The following ZSWIM8 variants were observed in gnomAD, a reference collection of about 807,000 sequenced individuals.
ZSWIM8 encodes the protein zinc finger SWIM-type containing 8, also known as zinc finger SWIM domain-containing protein 8.
ZSWIM8 carries 27 observed loss-of-function variants against 173.7 expected under a neutral mutation model. The observed-to-expected ratio is 0.16, with a 90% confidence interval of 0.11 to 0.21. ZSWIM8 has a LOEUF of 0.21. ZSWIM8 is among the 10% of genes least tolerant of loss of function. The pLI, the probability that ZSWIM8 is intolerant of heterozygous loss-of-function variation, is 1.00. For synonymous variants in ZSWIM8, 958 were observed against 962.0 expected, an observed-to-expected ratio of 1.00 and a Z score of 0.08; for missense variants, 1,627 against 2,428.8, an observed-to-expected ratio of 0.67 and a Z score of 6.94.
chr10:73,793,612 C>T lies in ZSWIM8; in HGVS notation c.2338C>T (p.Leu780=), dbSNP rs759026013. Reference sequence around the variant, plus strand: ...GGTACTGTTTGCCTGTGCTGAGGCCCTGCATGCGCATGGCTATAGCAGTGA... The same window carrying T: ...GGTACTGTTTGCCTGTGCTGAGGCCTTGCATGCGCATGGCTATAGCAGTGA... ...MEVLFACAEA[L]HAHGYSSEAS... Residue 780 remains leucine (L), a synonymous_variant, in exon 11 of 26, where the codon CTG becomes TTG. Coordinates refer to ENST00000604729, the MANE Select transcript of ZSWIM8 (RefSeq NM_001367799.1). 8.1e-6 allele frequency: 13 copies of T among 1,607,080 alleles called. No homozygotes were observed. The South Asian group carries it at 1.2e-4, about 15-fold the overall frequency.
In ZSWIM8 at chr10:73,791,246, G is replaced by C; in HGVS notation, c.1143+70G>C. ...CCTCCCCCTGCCTCATCCTCCTCTT[G>C]CTGAAATGGACTCTGGGAGGGCTAC... On this transcript the variant is annotated intron_variant, in intron 8 of 25. Coordinates refer to ENST00000604729, the MANE Select transcript of ZSWIM8 (RefSeq NM_001367799.1). This position sits in a 1 kb window ranked among gnomAD's most constrained non-coding sequence, Gnocchi z 6.0. 1 of 1,569,848 alleles carries C rather than the reference G, an allele frequency of 6.4e-7. No individual in the cohort carries two copies. Among genetic ancestry groups the C allele is most frequent in the South Asian group, 1.2e-5 (1 of 84,808 alleles).
Position 73,799,461 on chromosome 10 carries a change from T to C in ZSWIM8, c.4636T>C (p.Phe1546Leu). The C allele has an allele frequency of 6.2e-7, 1 of 1,600,290 alleles. No homozygotes were observed. Among genetic ancestry groups the C allele is most frequent in the Non-Finnish European group, 8.5e-7 (1 of 1,173,298 alleles). ...PMPHMPRPAVFPVPSSAYPQG... is the reference protein window; with the variant it reads ...PMPHMPRPAVLPVPSSAYPQG... ...GCCTCACATGCCCCGGCCTGCCGTCTTCCCTGTGCCCAGCTCTGCATACCC... is the reference window on the plus strand; with the variant it reads ...GCCTCACATGCCCCGGCCTGCCGTCCTCCCTGTGCCCAGCTCTGCATACCC... Residue 1546 changes from phenylalanine to leucine, a missense_variant, in exon 21 of 26, where the codon TTC becomes CTC. Phe to Leu is a conservative substitution (Grantham distance 22). This residue lies in a region of ZSWIM8 where 275 missense variants were observed against 290.1 expected (regional missense o/e 0.95). Transcript: ENST00000604729.
chr10:73,801,405 G>A lies in ZSWIM8; in HGVS notation c.5391G>A (p.Leu1797=). 1.2e-6 allele frequency: 2 copies of A among 1,613,986 alleles called. No individual in the cohort carries two copies. ...GGAGTGCCCGCAGCGCCTTCTGCCT[G>A]ACGCCCATGGGCATGATGCAGTTCA... ...AIRSARSAFC[L]TPMGMMQFND... The change falls in exon 26 of 26, where the codon CTG becomes CTA. Residue 1797 remains leucine, a synonymous_variant. Coordinates refer to ENST00000604729, the MANE Select transcript of ZSWIM8 (RefSeq NM_001367799.1). The surrounding 1 kb of genome is among the most constrained non-coding windows in gnomAD (Gnocchi z 4.9).
chr10:73,792,886 C>G lies in ZSWIM8; in HGVS notation c.2313+34C>G. On this transcript the variant is annotated intron_variant, in intron 10 of 25. Coordinates refer to ENST00000604729, the MANE Select transcript of ZSWIM8 (RefSeq NM_001367799.1). This position sits in a 1 kb window ranked among gnomAD's most constrained non-coding sequence, Gnocchi z 4.3. ...ATGGAAGGAGGGAGGGCTGGGTGCT[C>G]CTTAGCCACAACTGGGAGGGGCTAT... 6.6e-7 allele frequency: 1 copy of G among 1,514,564 alleles called. No individual in the cohort carries two copies. The highest frequency in any genetic ancestry group is 1.3e-5 in the South Asian group (1 of 77,846). 93.8% of individuals were successfully genotyped at this position (1,514,564 alleles called of 1,614,324 possible).
rs1045099303 is a variant in ZSWIM8, at chr10:73,785,819, G to T, written c.-60G>T. 2 of 1,459,956 alleles carry T rather than the reference G, an allele frequency of 1.4e-6. No homozygotes were observed. Among genetic ancestry groups the T allele is most frequent in the African/African-American group, 1.5e-5 (1 of 67,332 alleles). 90.4% of individuals were successfully genotyped at this position (1,459,956 alleles called of 1,614,324 possible). On this transcript the variant is annotated 5_prime_UTR_variant, in exon 1 of 26. Coordinates refer to ENST00000604729, the MANE Select transcript of ZSWIM8 (RefSeq NM_001367799.1). Reference sequence around the variant, plus strand: ...GCCCCGGGCCTCCCCTCAACCCCCGGCCGGCGGCCCAGGCCCCGGATCCGC... The same window carrying T: ...GCCCCGGGCCTCCCCTCAACCCCCGTCCGGCGGCCCAGGCCCCGGATCCGC...
chr10:73,796,502 G>A (rs1194072992), intron 15 of ZSWIM8: 1 of 502,846 alleles, frequency 2.0e-6, no homozygotes, highest in Non-Finnish European at 3.6e-6. Context: ...AGAAGCAGAG[G>A]GCATAAAGTC....
intron 14 of ZSWIM8, among the ~76,000 whole-genome samples, chr10:73,795,257 A>G (rs889179589): frequency 2.6e-5 from 4 of 152,234 alleles, no homozygotes; most frequent in Non-Finnish European, 4.4e-5. Flanking sequence ...ATGAGTAAAT[A>G]CACAACGCAA....
rs1565083318 is a variant in ZSWIM8, at chr10:73,797,065, A to C, written c.3275-48A>C. ...GGATGAATGGTGTGGACCTATGTTGAGGTCCCCTTTCCTGGGCTCATCCCA... is the reference window on the plus strand; with the variant it reads ...GGATGAATGGTGTGGACCTATGTTGCGGTCCCCTTTCCTGGGCTCATCCCA... On this transcript the variant is annotated intron_variant, in intron 16 of 25. Transcript: ENST00000604729. The surrounding 1 kb of genome is among the most constrained non-coding windows in gnomAD (Gnocchi z 5.6). 4 of 1,612,578 alleles carry C rather than the reference A, an allele frequency of 2.5e-6. No homozygotes were observed. The highest frequency in any genetic ancestry group is 2.5e-6 in the Non-Finnish European group (3 of 1,179,038).
At chr10:73,795,855 C>T (rs1297258359) in intron 15 of ZSWIM8, among the ~76,000 whole-genome samples, 192 bp downstream of exon 15, 3 of 149,314 alleles carry the variant, frequency 2.0e-5, no homozygotes, top group African/African-American at 7.4e-5. Context: ...CCCAGCTACT[C>T]GGGAGGCTGA....
chr10:73,788,755 A>T lies in ZSWIM8; in HGVS notation c.294A>T (p.Pro98=). 6.2e-7 allele frequency: 1 copy of T among 1,613,944 alleles called. No individual in the cohort carries two copies. The highest frequency in any genetic ancestry group is 8.5e-7 in the Non-Finnish European group (1 of 1,179,870). The part of the protein sequence containing the change: ...IPFEVVEKVY[P]PVPEQLQLRI... ...TTGAAGTGGTGGAGAAAGTTTACCC[A>T]CCAGTGCCTGAGCAGCTACAGCTCC... The change falls in exon 2 of 26, where the codon CCA becomes CCT. Residue 98 remains proline, a synonymous_variant. Coordinates refer to ENST00000604729, the MANE Select transcript of ZSWIM8 (RefSeq NM_001367799.1).
chr10:73,794,177 G>T lies in ZSWIM8; in HGVS notation c.2656G>T (p.Ala886Ser). The T allele has an allele frequency of 6.2e-7, 1 of 1,614,030 alleles. No homozygotes were observed. Among genetic ancestry groups the T allele is most frequent in the Non-Finnish European group, 8.5e-7 (1 of 1,179,890 alleles). ...VKLAYQESEVAALLKKIPLGP... is the reference protein window; with the variant it reads ...VKLAYQESEVSALLKKIPLGP... ...GCTGGCATACCAGGAGTCTGAGGTG[G>T]CTGCCCTGCTCAAGAAGATCCCTCT... The change falls in exon 13 of 26, where the codon GCT becomes TCT. Residue 886 changes from alanine (A) to serine (S), a missense_variant. Physicochemically the swap from Ala to Ser is moderately conservative, Grantham distance 99. Coordinates refer to ENST00000604729, the MANE Select transcript of ZSWIM8 (RefSeq NM_001367799.1).
At chr10:73,798,933 A>G (rs1051505076) in intron 20 of ZSWIM8, 69 bp from the exon 21 acceptor site, 32 of 1,530,292 alleles carry the variant, frequency 2.1e-5, no homozygotes, top group Non-Finnish European at 2.6e-5. Context: ...GAGACATTGG[A>G]ATCTCATCTA....
At chr10:73,799,579 G>GGTCA in intron 21 of ZSWIM8, 89 bp downstream of exon 21, 1 of 1,532,914 alleles carries the variant, frequency 6.5e-7, no homozygotes, top group Non-Finnish European at 8.8e-7. Context: ...GAGTATAATT[G>GGTCA]GTCAGTCGGA....
chr10:73,798,080 T>G lies in ZSWIM8; in HGVS notation c.3952+10T>G, dbSNP rs375632922. The G allele has an allele frequency of 6.2e-7, 1 of 1,612,018 alleles. No homozygotes were observed. Among genetic ancestry groups the G allele is most frequent in the Non-Finnish European group, 8.5e-7 (1 of 1,178,364 alleles). ...GTTTCCTGGATTACAGGTAAATCAT[T>G]TGACCTGACTTGGGTATGGGAGGGG... On this transcript the variant is annotated intron_variant, in intron 19 of 25. Coordinates refer to ENST00000604729, the MANE Select transcript of ZSWIM8 (RefSeq NM_001367799.1).
intron 1 of ZSWIM8, among the ~76,000 whole-genome samples, chr10:73,788,291 TTAACCATG>T (rs1291032761): frequency 6.6e-6 from 1 of 151,356 alleles, no homozygotes; most frequent in Non-Finnish European, 1.5e-5. Flanking sequence ...AGGAGAGACA[TTAACCATG>T]TAATTTGAAT....
In ZSWIM8 at chr10:73,795,437, C is replaced by T. The variant is rs1462400460; in HGVS notation, c.2909-102C>T. 4 of 1,549,046 alleles carry T rather than the reference C, an allele frequency of 2.6e-6. No individual in the cohort carries two copies. In the African/African-American group the frequency reaches 4.1e-5, roughly 16 times the overall value. ...TGATGTGGGTTGGACCAAGGGAACC[C>T]CTTACTTCATATGCTGATGGCTTGG... is the stretch of plus-strand genomic sequence containing the variant. On this transcript the variant is annotated intron_variant, in intron 14 of 25. Coordinates refer to ENST00000604729, the MANE Select transcript of ZSWIM8 (RefSeq NM_001367799.1).
rs1423232893 is a variant in ZSWIM8, at chr10:73,785,750, G to T, written c.-129G>T. 3.1e-6 allele frequency: 3 copies of T among 980,998 alleles called. No homozygotes were observed. Among genetic ancestry groups the T allele is most frequent in the Non-Finnish European group, 4.6e-6 (3 of 656,454 alleles). The allele number at this position is 980,998 out of a possible 1,614,324, so 60.8% of individuals were successfully genotyped here. On this transcript the variant is annotated 5_prime_UTR_variant, in exon 1 of 26. Coordinates refer to ENST00000604729, the MANE Select transcript of ZSWIM8 (RefSeq NM_001367799.1). ...CCTGAGATTCTCGCCCGGCACGGCCGCCCTGAGCGCCCCGGCCACCCCCAG... is the reference window on the plus strand; with the variant it reads ...CCTGAGATTCTCGCCCGGCACGGCCTCCCTGAGCGCCCCGGCCACCCCCAG...
Position 73,797,287 on chromosome 10 carries a change from G to A in ZSWIM8, c.3433+16G>A. On this transcript the variant is annotated intron_variant, in intron 17 of 25. Coordinates refer to ENST00000604729, the MANE Select transcript of ZSWIM8 (RefSeq NM_001367799.1). The surrounding 1 kb of genome is among the most constrained non-coding windows in gnomAD (Gnocchi z 5.6). ...AAGCACACAGGTAGGATAGCCTGTG[G>A]GCTAGCATAGAGGGAAGGATAATCC... The A allele has an allele frequency of 6.2e-7, 1 of 1,613,874 alleles. No homozygotes were observed. The highest frequency in any genetic ancestry group is 8.5e-7 in the Non-Finnish European group (1 of 1,179,814).
chr10:73,786,676 A>G (rs140239482), intron 1 of ZSWIM8: 18 of 152,430 alleles, frequency 1.2e-4, no homozygotes, highest in African/African-American at 3.8e-4. Context: ...GGCCTGCCAG[A>G]GAGTCCATAG....
Sources: allele counts gnomAD v4.1 joint callset (sites outside exome capture counted in the v4.1 genomes callset), GRCh38; gene constraint gnomAD v4.1.1; regional missense constraint gnomAD v4.1.1; non-coding constraint Gnocchi (gnomAD v3.1); transcripts MANE v1.5; gene names NCBI Gene and HGNC (gene_info 2026-07-23, HGNC 2026-07-21).